KIAA1217: variants seen among roughly 807,000 people sequenced by gnomAD.
The protein encoded by KIAA1217 is sickle tail protein homolog.
In KIAA1217, 88 loss-of-function variants were observed where a neutral mutation model predicts 163.9. That is an observed-to-expected ratio of 0.54 (90% CI 0.45 to 0.64). KIAA1217 has a LOEUF of 0.64. KIAA1217 is among the 30% of genes least tolerant of loss of function. The probability of loss-of-function intolerance (pLI) is 0.00; values close to 1 mark genes in which losing one functional copy is unlikely to be tolerated. For synonymous variants in KIAA1217, 903 were observed against 923.1 expected (o/e 0.98, Z 0.39); for missense variants, 2,372 against 2,475.0 (o/e 0.96, Z 0.88).
At chr10:24,004,090 C>T (rs962387397) in intron 1 of KIAA1217, among the ~76,000 whole-genome samples, 8 of 152,166 alleles carry the variant, frequency 5.3e-5, no homozygotes, top group Non-Finnish European at 1.2e-4. Flanking sequence ...AGCGATTCTC[C>T]TGCCTCAGCC....
chr10:23,704,279 T>TA (rs1483914232), intron 1 of KIAA1217, among the ~76,000 whole-genome samples: 1 of 146,144 alleles, frequency 6.8e-6, no homozygotes, highest in East Asian at 2.0e-4. Context: ...CTTTCTTTTT[T>TA]AAAAAACAGC....
At chr10:23,991,511 T>C (rs937246519) in intron 1 of KIAA1217, among the ~76,000 whole-genome samples, 3 of 152,162 alleles carry the variant, frequency 2.0e-5, no homozygotes, top group African/African-American at 7.2e-5. Context: ...GTGTAATATA[T>C]TCAGTGCTGT....
chr10:24,122,521 G>A (rs1178823928), intron 2 of KIAA1217, among the ~76,000 whole-genome samples: 3 of 152,106 alleles, frequency 2.0e-5, no homozygotes, highest in African/African-American at 7.2e-5. Flanking sequence ...ACTGCTACCA[G>A]GTGATTATAT....
At chr10:23,993,074 C>T (rs918099229) in intron 1 of KIAA1217, among the ~76,000 whole-genome samples, 7 of 147,128 alleles carry the variant, frequency 4.8e-5, no homozygotes, top group Non-Finnish European at 8.9e-5. Context: ...CTCTGTTGCC[C>T]AGGCTTGAAT....
At chr10:24,091,384 A>G (rs1467562588) in intron 2 of KIAA1217, among the ~76,000 whole-genome samples, 2 of 151,948 alleles carry the variant, frequency 1.3e-5, no homozygotes. Flanking sequence ...TTTTTAACAG[A>G]TGGAATATAG....
intron 12 of KIAA1217, among the ~76,000 whole-genome samples, chr10:24,522,817 G>A (rs1218241037): frequency 6.6e-6 from 1 of 152,182 alleles, no homozygotes; most frequent in African/African-American, 2.4e-5. Flanking sequence ...CCAACATAGT[G>A]AATTCCCATA....
At chr10:24,353,488 T>C (rs761099631) in intron 2 of KIAA1217, among the ~76,000 whole-genome samples, 4 of 152,200 alleles carry the variant, frequency 2.6e-5, no homozygotes, top group Non-Finnish European at 4.4e-5. Flanking sequence ...TTAAATGCTT[T>C]TTGAAAGCCT....
At chr10:23,836,153 T>C (rs1328470388) in intron 1 of KIAA1217, among the ~76,000 whole-genome samples, 1 of 152,234 alleles carries the variant, frequency 6.6e-6, no homozygotes, top group Non-Finnish European at 1.5e-5. Context: ...ATAAGTGATA[T>C]AACCTATCAG....
chr10:23,718,301 A>G (rs1024574965), intron 1 of KIAA1217, among the ~76,000 whole-genome samples: 3 of 152,228 alleles, frequency 2.0e-5, no homozygotes, highest in Non-Finnish European at 4.4e-5. Flanking sequence ...AGTACTTACA[A>G]GAACACTTGT....
At chr10:24,161,898 A>G (rs568745007) in intron 2 of KIAA1217, among the ~76,000 whole-genome samples, 1 of 152,366 alleles carries the variant, frequency 6.6e-6, no homozygotes, top group South Asian at 2.1e-4. Flanking sequence ...GTAGATGGAT[A>G]AGAAATGATA....
intron 6 of KIAA1217, among the ~76,000 whole-genome samples, chr10:24,489,672 G>A (rs1188884818): frequency 1.3e-5 from 2 of 151,684 alleles, no homozygotes; most frequent in African/African-American, 4.8e-5. Flanking sequence ...GACCAGCCTG[G>A]GCAACATGGT....
intron 2 of KIAA1217, among the ~76,000 whole-genome samples, chr10:24,071,487 G>C (rs1336338729): frequency 6.6e-6 from 1 of 151,822 alleles, no homozygotes; most frequent in South Asian, 2.1e-4. Flanking sequence ...AAGAGAATAG[G>C]GTTAATTTAA....
At chr10:23,970,774 A>G (rs901271831) in intron 1 of KIAA1217, among the ~76,000 whole-genome samples, 1 of 152,168 alleles carries the variant, frequency 6.6e-6, no homozygotes, top group Non-Finnish European at 1.5e-5. Context: ...CAGTAAACCT[A>G]AAACACTAGT....
chr10:24,194,712 TA>T (rs1306953768), intron 2 of KIAA1217, among the ~76,000 whole-genome samples: 16 of 150,860 alleles, frequency 1.1e-4, no homozygotes, highest in Admixed American at 8.6e-4. Flanking sequence ...GCCTCTGCAG[TA>T]GCTGGGACTA....
chr10:24,257,813 C>T (rs114453042), intron 2 of KIAA1217, among the ~76,000 whole-genome samples: 27 of 152,186 alleles, frequency 1.8e-4, no homozygotes, highest in Non-Finnish European at 3.2e-4. Flanking sequence ...AGTGACAAGG[C>T]GGGATAACGT....
intron 2 of KIAA1217, among the ~76,000 whole-genome samples, chr10:24,233,821 T>C (rs934425433): frequency 2.0e-5 from 3 of 152,212 alleles, no homozygotes; most frequent in African/African-American, 7.2e-5. Context: ...TCTCAGTCTT[T>C]ATTTTTTAAG....
intron 2 of KIAA1217, among the ~76,000 whole-genome samples, chr10:24,112,438 T>C (rs562224248): frequency 2.4e-4 from 37 of 152,266 alleles, no homozygotes; most frequent in Admixed American, 9.8e-4. Flanking sequence ...GTGGACTGAA[T>C]AGTGTTCTGA....
At chr10:24,206,617 C>A (rs374447976), upstream of KIAA1217, among the ~76,000 whole-genome samples, 19 of 152,306 alleles carry the variant, frequency 1.2e-4, no homozygotes, top group African/African-American at 1.9e-4. Flanking sequence ...AGTAAGTAAT[C>A]CAATAGAAGC....
chr10:23,728,240 A>T (rs1838279892), intron 1 of KIAA1217, among the ~76,000 whole-genome samples: 1 of 152,224 alleles, frequency 6.6e-6, no homozygotes, highest in Non-Finnish European at 1.5e-5. Flanking sequence ...GAATCACCAC[A>T]CTGTCTTCCA....
Sources: gnomAD v4.1 joint callset for allele counts (sites outside exome capture counted in the v4.1 genomes callset) on GRCh38, gnomAD v4.1.1 for gene constraint, MANE v1.5 for transcripts, NCBI Gene and HGNC (gene_info 2026-07-23, HGNC 2026-07-21) for gene names.